The following CCDC60 variants were observed in gnomAD, a reference collection of about 807,000 sequenced individuals.
CCDC60 encodes the protein coiled-coil domain-containing protein 60.
A neutral mutation model predicts 63.5 loss-of-function variants in CCDC60; 54 were observed. The ratio of observed to expected loss-of-function variants is 0.85; its 90% CI spans 0.68 to 1.07. The LOEUF (loss-of-function observed/expected upper bound fraction) is 1.07. Among genes scored for constraint, CCDC60 ranks in the 50% least tolerant of loss-of-function variants. CCDC60 has a pLI of 0.00. For missense variants in CCDC60, 651 were observed against 684.3 expected (o/e 0.95, Z 0.54); for synonymous variants, 206 against 238.8 (o/e 0.86, Z 1.27).
At position 119,389,602 on chromosome 12, in the gene CCDC60, C is replaced by T. The variant is rs577116792; in HGVS notation, c.91-39081C>T. Among the ~76,000 whole-genome samples, 3 of 152,258 alleles carry T rather than the reference C, an allele frequency of 2.0e-5. No homozygotes were observed. The East Asian group carries it at 5.8e-4, about 29-fold the overall frequency. ...CCAGGATCACCTCCCAAATACACTA[C>T]TTGTGCTCACAAAGCTGTAACATAC... On this transcript the variant is annotated intron_variant, in intron 1 of 13. Transcript: ENST00000327554.
chr12:119,467,433 T>C (rs1015101462), intron 2 of CCDC60, among the ~76,000 whole-genome samples: 1 of 152,236 alleles, frequency 6.6e-6, no homozygotes, highest in Admixed American at 6.5e-5. Context: ...GGGAGGTGAT[T>C]AGCCTCCACC....
chr12:119,367,898 AG>A (rs35041222), intron 1 of CCDC60, among the ~76,000 whole-genome samples: 15 of 141,820 alleles, frequency 1.1e-4, no homozygotes, highest in East Asian at 9.8e-4. Flanking sequence ...TAATATATAA[AG>A]GGGTTTTTTT....
intron 1 of CCDC60, among the ~76,000 whole-genome samples, chr12:119,419,906 C>T (rs1301001257): frequency 5.9e-5 from 8 of 136,274 alleles, no homozygotes; most frequent in South Asian, 2.3e-4. Flanking sequence ...GACAGAGTCT[C>T]GCTCTGTCGC....
chr12:119,348,348 C>A (rs1456282761), intron 1 of CCDC60, among the ~76,000 whole-genome samples: 2 of 152,226 alleles, frequency 1.3e-5, no homozygotes, highest in East Asian at 3.9e-4. Flanking sequence ...CACCTTTTCA[C>A]TTCCTGCCCC....
At chr12:119,373,531 G>A (rs139330375) in intron 1 of CCDC60, among the ~76,000 whole-genome samples, 58 of 152,252 alleles carry the variant, frequency 3.8e-4, no homozygotes, top group Middle Eastern at 3.4e-3. Flanking sequence ...GACCATGTCT[G>A]TCACCGTGGT....
chr12:119,526,272 T>C (rs1421315037), intron 11 of CCDC60, among the ~76,000 whole-genome samples: 1 of 152,146 alleles, frequency 6.6e-6, no homozygotes, highest in Non-Finnish European at 1.5e-5. Flanking sequence ...TCAAGATGGA[T>C]TAAAGACTTA....
At chr12:119,407,081 C>T (rs1460881412) in intron 1 of CCDC60, among the ~76,000 whole-genome samples, 1 of 152,130 alleles carries the variant, frequency 6.6e-6, no homozygotes, top group African/African-American at 2.4e-5. Flanking sequence ...GAGGGGACAT[C>T]CAGGGCCATA....
At chr12:119,396,958 T>G (rs926487233) in intron 1 of CCDC60, among the ~76,000 whole-genome samples, 1 of 152,206 alleles carries the variant, frequency 6.6e-6, no homozygotes, top group Non-Finnish European at 1.5e-5. Context: ...CTTCAGATGT[T>G]CAGATGTGTC....
chr12:119,342,181 G>T (rs867885174), intron 1 of CCDC60, among the ~76,000 whole-genome samples: 1 of 152,162 alleles, frequency 6.6e-6, no homozygotes, highest in East Asian at 1.9e-4. Flanking sequence ...TCACAAAATG[G>T]CTGTCCCAGG....
intron 1 of CCDC60, among the ~76,000 whole-genome samples, chr12:119,405,859 G>A (rs1956478598): frequency 6.6e-6 from 1 of 151,968 alleles, no homozygotes; most frequent in South Asian, 2.1e-4. Flanking sequence ...CTCCCCTAGT[G>A]GTTAATTCTG....
chr12:119,442,000 C>T lies in CCDC60; in HGVS notation c.170+13238C>T, dbSNP rs76966765. Among the ~76,000 whole-genome samples the T allele has an allele frequency of 5.4e-3, 824 of 151,980 alleles. 19 individuals carry two copies. Among genetic ancestry groups the T allele is most frequent in the East Asian group, 0.039 (204 of 5,168 alleles). ...AGCCCATTTTTTTTAAAGTTTAAAA[C>T]GCACAAATAATACAATCTAGAAAAG... On this transcript the variant is annotated intron_variant, in intron 2 of 13. Coordinates refer to ENST00000327554, the MANE Select transcript of CCDC60 (RefSeq NM_178499.5).
intron 5 of CCDC60, among the ~76,000 whole-genome samples, chr12:119,489,852 C>T (rs1247096470): frequency 2.0e-5 from 3 of 151,548 alleles, no homozygotes; most frequent in Admixed American, 6.6e-5. Flanking sequence ...GGCCAGAGTA[C>T]GGTGACGCAA....
chr12:119,408,086 C>G (rs1956526695), intron 1 of CCDC60, among the ~76,000 whole-genome samples: 1 of 152,054 alleles, frequency 6.6e-6, no homozygotes, highest in Admixed American at 6.6e-5. Context: ...TTTTTCTTGC[C>G]AATAGGGGAG....
At chr12:119,361,415 C>G (rs1955790032) in intron 1 of CCDC60, among the ~76,000 whole-genome samples, 1 of 152,084 alleles carries the variant, frequency 6.6e-6, no homozygotes, top group African/African-American at 2.4e-5. Flanking sequence ...GTCTCTATTT[C>G]CATTTGTGAT....
At chr12:119,447,112 C>G (rs1430625384) in intron 2 of CCDC60, among the ~76,000 whole-genome samples, 2 of 152,138 alleles carry the variant, frequency 1.3e-5, no homozygotes, top group Non-Finnish European at 2.9e-5. Context: ...AGAGCTGGCC[C>G]GTGGTCCTGG....
intron 7 of CCDC60, among the ~76,000 whole-genome samples, chr12:119,510,250 C>T (rs767290461): frequency 1.3e-5 from 2 of 152,230 alleles, no homozygotes; most frequent in Non-Finnish European, 2.9e-5. Context: ...TTGCCCCAGG[C>T]TGCCCAGGTC....
At chr12:119,441,797 G>A (rs149424038) in intron 2 of CCDC60, among the ~76,000 whole-genome samples, 11 of 152,292 alleles carry the variant, frequency 7.2e-5, no homozygotes, top group African/African-American at 2.6e-4. Flanking sequence ...TAGCATTGAT[G>A]GACATTTGGG....
chr12:119,340,229 A>G (rs1399467036), intron 1 of CCDC60, among the ~76,000 whole-genome samples: 1 of 152,198 alleles, frequency 6.6e-6, no homozygotes, highest in Non-Finnish European at 1.5e-5. Context: ...ATGCTTCCCC[A>G]TCAAAGGGGT....
intron 7 of CCDC60, 34 bp downstream of exon 7, chr12:119,505,337 T>C: frequency 6.8e-7 from 1 of 1,466,042 alleles, no homozygotes; most frequent in East Asian, 2.3e-5. Context: ...TCATCTACCC[T>C]GACCCTTTGC....
Sources: gnomAD v4.1 joint callset for allele counts (sites outside exome capture counted in the v4.1 genomes callset) on GRCh38, gnomAD v4.1.1 for gene constraint, MANE v1.5 for transcripts, NCBI Gene and HGNC (gene_info 2026-07-23, HGNC 2026-07-21) for gene names.